The following SFXN3 variants were observed in gnomAD, a reference collection of about 807,000 sequenced individuals.
SFXN3 encodes the protein sideroflexin-3.
SFXN3 carries 31 observed loss-of-function variants against 40.4 expected under a neutral mutation model. That is an observed-to-expected ratio of 0.77 (90% CI 0.58 to 1.04). The LOEUF (loss-of-function observed/expected upper bound fraction) is 1.04. Among genes scored for constraint, SFXN3 ranks in the 50% least tolerant of loss-of-function variants. The probability of loss-of-function intolerance (pLI) is 0.00; values close to 1 mark genes in which losing one functional copy is unlikely to be tolerated. For synonymous variants in SFXN3, 157 were observed against 160.0 expected, an observed-to-expected ratio of 0.98 and a Z score of 0.14; for missense variants, 366 against 408.2, an observed-to-expected ratio of 0.90 and a Z score of 0.89.
In SFXN3 at chr10:101,036,612, C is replaced by T. The variant is rs778142556; in HGVS notation, c.507+51C>T. ...ACCCCATTCATCCTCTATCTGCCTC[C>T]TTCTTCCTCATCACACCTCCAGTTC... On this transcript the variant is annotated intron_variant, in intron 6 of 11. Coordinates refer to ENST00000393459, the Ensembl canonical transcript of SFXN3. This position sits in a 1 kb window ranked among gnomAD's most constrained non-coding sequence, Gnocchi z 4.2. 1.9e-6 allele frequency: 3 copies of T among 1,613,226 alleles called. 1 individual carries two copies. In the South Asian group the frequency reaches 3.3e-5, roughly 18 times the overall value.
exon 4 of SFXN3, chr10:101,035,536 G>A (rs1446419341): frequency 1.9e-6 from 3 of 1,613,016 alleles, no homozygotes; most frequent in Non-Finnish European, 2.5e-6. Context: ...AGGACCAGCT[G>A]TGGAGGGCCA....
chr10:101,038,768 T>TA, intron 10 of SFXN3, 76 bp downstream of exon 10: 1 of 1,592,370 alleles, frequency 6.3e-7, no homozygotes, highest in Non-Finnish European at 8.5e-7. Flanking sequence ...ATGGATTGTC[T>TA]TTAAGATGTT....
chr10:101,033,656 C>A (rs185335964), intron 2 of SFXN3, among the ~76,000 whole-genome samples: 16 of 152,236 alleles, frequency 1.1e-4, no homozygotes, highest in Admixed American at 2.6e-4. Context: ...AGGGGACCGG[C>A]GTTCAGCATA....
rs1938812905 is a variant in SFXN3, at chr10:101,039,811, T to A, written c.*226T>A. ...GCACATAACCCCTCCTGTGCTTGAG[T>A]GTCCATGCATATACATACATGATAC... On this transcript the variant is annotated 3_prime_UTR_variant, in exon 12 of 12. Coordinates refer to ENST00000393459, the Ensembl canonical transcript of SFXN3. This position sits in a 1 kb window ranked among gnomAD's most constrained non-coding sequence, Gnocchi z 4.6. 3.4e-6 allele frequency: 2 copies of A among 582,624 alleles called. No homozygotes were observed. The highest frequency in any genetic ancestry group is 6.0e-5 in the Admixed American group (2 of 33,594). 36.1% of individuals were successfully genotyped at this position (582,624 alleles called of 1,614,324 possible). A position where few individuals can be genotyped will look rare whatever the true frequency, so the allele number is the denominator to read the frequency against.
At position 101,039,940 on chromosome 10, in the gene SFXN3, G is replaced by C. The variant is rs984465830; in HGVS notation, c.*355G>C. 4.0e-6 allele frequency: 1 copy of C among 250,928 alleles called. No homozygotes were observed. Among genetic ancestry groups the C allele is most frequent in the South Asian group, 7.4e-5 (1 of 13,584 alleles). The allele number at this position is 250,928 out of a possible 1,614,324, so 15.5% of individuals were successfully genotyped here. A position where few individuals can be genotyped will look rare whatever the true frequency, so the allele number is the denominator to read the frequency against. ...TTCTCAGCCTCATGTCCACCTGCCT[G>C]CCAGCCAGGCTACAGGTGTGACTTC... On this transcript the variant is annotated 3_prime_UTR_variant, in exon 12 of 12. Coordinates refer to ENST00000393459, the Ensembl canonical transcript of SFXN3. This position sits in a 1 kb window ranked among gnomAD's most constrained non-coding sequence, Gnocchi z 4.6.
At position 101,039,057 on chromosome 10, in the gene SFXN3, T is replaced by G. The variant is rs1230901265; in HGVS notation, c.822-118T>G. On this transcript the variant is annotated intron_variant, in intron 10 of 11. Coordinates refer to ENST00000393459, the Ensembl canonical transcript of SFXN3. The surrounding 1 kb of genome is among the most constrained non-coding windows in gnomAD (Gnocchi z 4.6). ...TGGGTTTACTATTCCTAAAAGGTCC[T>G]TTCAGCTTTTATCAATCTCCACCCC... The G allele has an allele frequency of 4.5e-6, 4 of 892,144 alleles. No homozygotes were observed. Among genetic ancestry groups the G allele is most frequent in the Non-Finnish European group, 7.1e-6 (4 of 561,140 alleles). 55.3% of individuals were successfully genotyped at this position (892,144 alleles called of 1,614,324 possible). A position where few individuals can be genotyped will look rare whatever the true frequency, so the allele number is the denominator to read the frequency against.
At position 101,035,945 on chromosome 10, in the gene SFXN3, G is replaced by T. The variant is rs186105166; in HGVS notation, c.333-58G>T. 31 of 1,455,758 alleles carry T rather than the reference G, an allele frequency of 2.1e-5. No homozygotes were observed. In the African/African-American group the frequency reaches 4.1e-4, roughly 19 times the overall value. The allele number at this position is 1,455,758 out of a possible 1,614,324, so 90.2% of individuals were successfully genotyped here. A position where few individuals can be genotyped will look rare whatever the true frequency, so the allele number is the denominator to read the frequency against. On this transcript the variant is annotated intron_variant, in intron 4 of 11. Transcript: ENST00000393459. ...GAATAACCTTTGGTTTCATTACAGG[G>T]GTCTAAAGATGAGGGCCACTGTAGA...
exon 2 of SFXN3, chr10:101,032,381 GCGTCACGCGTGA>G: frequency 1.4e-6 from 2 of 1,394,380 alleles, no homozygotes; most frequent in Non-Finnish European, 1.9e-6. Context: ...CTGCTGGTCG[GCGTCACGCGTGA>G]CGTCCCGCGT....
At chr10:101,033,022 G>A (rs765642424) in intron 2 of SFXN3, among the ~76,000 whole-genome samples, 2 of 152,202 alleles carry the variant, frequency 1.3e-5, no homozygotes, top group Non-Finnish European at 1.5e-5. Flanking sequence ...ACCAGGGAGA[G>A]CCTGGGGTCA....
exon 12 of SFXN3, chr10:101,040,585 A>G (rs1185330087): frequency 7.8e-6 from 1 of 128,654 alleles, no homozygotes; most frequent in Non-Finnish European, 1.7e-5. Context: ...TGTTCCATTG[A>G]CTTTTTTTTT....
chr10:101,032,340 G>C (rs1475734482), exon 2 of SFXN3: 14 of 1,116,616 alleles, frequency 1.3e-5, no homozygotes, highest in Non-Finnish European at 1.2e-6. Context: ...TGCCCACCGG[G>C]TGGGCGCGGC....
Position 101,036,368 on chromosome 10 carries a change from T to A in SFXN3, c.432-118T>A. The A allele has an allele frequency of 1.0e-6, 1 of 997,420 alleles. No homozygotes were observed. The highest frequency in any genetic ancestry group is 1.5e-5 in the South Asian group (1 of 66,728). 61.8% of individuals were successfully genotyped at this position (997,420 alleles called of 1,614,324 possible). ...CGCCGGAGATGGAGGGAAGGCTTCT[T>A]CTGCAAGGAGCTTCCCCTTTTATGC... On this transcript the variant is annotated intron_variant, in intron 5 of 11. Transcript: ENST00000393459. The surrounding 1 kb of genome is among the most constrained non-coding windows in gnomAD (Gnocchi z 4.2).
rs533205503 is a variant in SFXN3 at position 101,031,494 on chromosome 10, G to C, written c.-213G>C. On this transcript the variant is annotated 5_prime_UTR_variant, in exon 1 of 12. Coordinates refer to ENST00000393459, the Ensembl canonical transcript of SFXN3. ...GACGTCACGGGGCAGAGCGGGACGT[G>C]AGCCTGAGTTTGCTGCAGGCGTGCT... The C allele has an allele frequency of 3.3e-5, 5 of 152,648 alleles. No homozygotes were observed. In the East Asian group the frequency reaches 9.6e-4, roughly 29 times the overall value. The allele number at this position is 152,648 out of a possible 1,614,324, so 9.5% of individuals were successfully genotyped here.
rs1378578689 is a variant in SFXN3 at position 101,039,662 on chromosome 10, GCTATCTGC to G, written c.*81_*88del. 1.4e-6 allele frequency: 2 copies of G among 1,417,426 alleles called. No homozygotes were observed. Among genetic ancestry groups the G allele is most frequent in the Non-Finnish European group, 2.0e-6 (2 of 1,002,512 alleles). The allele number at this position is 1,417,426 out of a possible 1,614,324, so 87.8% of individuals were successfully genotyped here. Reference sequence around the variant, plus strand: ...GGAGTCATGTCACCCCTACCACTTGGCTATCTGCCTAGCACTGGGCAGGGGCCTTGGTG... The same window carrying G: ...GGAGTCATGTCACCCCTACCACTTGGCTAGCACTGGGCAGGGGCCTTGGTG... On this transcript the variant is annotated 3_prime_UTR_variant, in exon 12 of 12. Transcript: ENST00000393459. This position sits in a 1 kb window ranked among gnomAD's most constrained non-coding sequence, Gnocchi z 4.6.
exon 4 of SFXN3, chr10:101,035,606 C>A (rs138356625): frequency 1.2e-6 from 2 of 1,614,078 alleles, no homozygotes; most frequent in Non-Finnish European, 1.7e-6. Flanking sequence ...CCTGATTGGC[C>A]GCATGTCAGC....
At chr10:101,037,552 T>C (rs1938682112) in intron 9 of SFXN3, 121 bp downstream of exon 9, 9 of 1,593,778 alleles carry the variant, frequency 5.6e-6, no homozygotes, top group Non-Finnish European at 6.8e-6. Context: ...TCCTGACCCC[T>C]GCACCGCCTC....
chr10:101,036,897 C>T lies in SFXN3; in HGVS notation c.593+89C>T. 5 of 1,541,930 alleles carry T rather than the reference C, an allele frequency of 3.2e-6. No homozygotes were observed. Among genetic ancestry groups the T allele is most frequent in the Non-Finnish European group, 4.4e-6 (5 of 1,137,132 alleles). ...ACCACCTCAGAATGGGGACATCCCT[C>T]TCCCTCCCCAGACATGAGCTGCTGG... On this transcript the variant is annotated intron_variant, in intron 7 of 11. Coordinates refer to ENST00000393459, the Ensembl canonical transcript of SFXN3. The surrounding 1 kb of genome is among the most constrained non-coding windows in gnomAD (Gnocchi z 4.2).
chr10:101,038,890 G>C (rs1938756341), intron 10 of SFXN3, among the ~76,000 whole-genome samples, 198 bp downstream of exon 10: 2 of 152,108 alleles, frequency 1.3e-5, no homozygotes, highest in African/African-American at 2.4e-5. Flanking sequence ...ATCCTAGTGA[G>C]GGGGTTCCAG....
chr10:101,036,990 G>C lies in SFXN3; in HGVS notation c.594-86G>C. The C allele has an allele frequency of 2.5e-6, 4 of 1,570,824 alleles. No individual in the cohort carries two copies. The highest frequency in any genetic ancestry group is 3.5e-6 in the Non-Finnish European group (4 of 1,158,374). On this transcript the variant is annotated intron_variant, in intron 7 of 11. Transcript: ENST00000393459. This position sits in a 1 kb window ranked among gnomAD's most constrained non-coding sequence, Gnocchi z 4.2. The stretch of plus-strand genomic sequence containing the variant: ...CAGCCTTTGAGCCTGGGGTGTGTGA[G>C]GGGACCCTGAGGAGCCGCTGCTCAT...
Sources: allele counts gnomAD v4.1 joint callset (sites outside exome capture counted in the v4.1 genomes callset), GRCh38; gene constraint gnomAD v4.1.1; non-coding constraint Gnocchi (gnomAD v3.1); transcripts MANE v1.5; gene names NCBI Gene and HGNC (gene_info 2026-07-23, HGNC 2026-07-21).